WDR83: variants seen among roughly 807,000 people sequenced by gnomAD.
The protein encoded by WDR83 is WD repeat domain-containing protein 83.
In WDR83, 37 loss-of-function variants were observed where a neutral mutation model predicts 37.7. The ratio of observed to expected loss-of-function variants is 0.98; its 90% CI spans 0.76 to 1.29. The LOEUF is 1.29. WDR83 is among the 50% of genes most tolerant of loss of function. The pLI is 0.00. For synonymous variants in WDR83, 174 were observed against 181.1 expected (o/e 0.96, Z 0.31); for missense variants, 445 against 414.4 (o/e 1.07, Z -0.64).
At position 12,670,076 on chromosome 19, in the gene WDR83, A is replaced by G. The variant is rs774285413; in HGVS notation, c.203A>G (p.Tyr68Cys). ...TLLRTYSGHG[Y>C]EVLDAAGSFD... is the part of the protein sequence containing the mutation. ...CTGCGGACGTACAGCGGCCACGGCT[A>G]CGAGGTGCTGGATGCGGCCGGGTGA... The change falls in exon 4 of 11, where the codon TAC becomes TGC. Residue 68 changes from tyrosine (Y) to cysteine (C), a missense_variant. Tyr to Cys is a radical substitution (Grantham distance 194, BLOSUM62 -2). Coordinates refer to ENST00000418543, the MANE Select transcript of WDR83 (RefSeq NM_001099737.3). The G allele has an allele frequency of 1.3e-5, 21 of 1,611,906 alleles. No individual in the cohort carries two copies. Among genetic ancestry groups the G allele is most frequent in the Non-Finnish European group, 1.7e-5 (20 of 1,178,568 alleles).
At position 12,666,947 on chromosome 19, in the gene WDR83, T is replaced by G. The variant is rs1476519537; in HGVS notation, c.-202T>G. 1 of 563,854 alleles carries G rather than the reference T, an allele frequency of 1.8e-6. No individual in the cohort carries two copies. Among genetic ancestry groups the G allele is most frequent in the African/African-American group, 1.9e-5 (1 of 51,474 alleles). 34.9% of individuals were successfully genotyped at this position (563,854 alleles called of 1,614,324 possible). A position where few individuals can be genotyped will look rare whatever the true frequency, so the allele number is the denominator to read the frequency against. The stretch of plus-strand genomic sequence containing the variant: ...CGTCTCACGGGCTATGAAGACGGAA[T>G]GCCTCTTAATGCCGGAATTCCAAGA... On this transcript the variant is annotated 5_prime_UTR_variant, in exon 1 of 11. It removes an upstream start codon present in the reference 5' UTR. Coordinates refer to ENST00000418543, the MANE Select transcript of WDR83 (RefSeq NM_001099737.3).
In WDR83 at chr19:12,668,337, A is replaced by C. The variant is rs189337196; in HGVS notation, c.-156-171A>C. 4 of 1,603,992 alleles carry C rather than the reference A, an allele frequency of 2.5e-6. No individual in the cohort carries two copies. The African/African-American group carries it at 4.0e-5, about 16-fold the overall frequency. On this transcript the variant is annotated intron_variant, in intron 1 of 10. Transcript: ENST00000418543. ...GCCTAGTGGATAGACAGGGTCCAAA[A>C]TGTGACCCTTCTAGGCTGGTATCAC... is the stretch of plus-strand genomic sequence containing the variant.
chr19:12,675,805 GA>G lies in WDR83; in HGVS notation c.*134del. On this transcript the variant is annotated 3_prime_UTR_variant, in exon 11 of 11. Coordinates refer to ENST00000418543, the MANE Select transcript of WDR83 (RefSeq NM_001099737.3). Reference sequence around the variant, plus strand: ...TGGGTCTGCAAATTAATAAATAGAAGAGGGGGTAAGACCTTCCTGGGACCGC... The same window carrying G: ...TGGGTCTGCAAATTAATAAATAGAAGGGGGGTAAGACCTTCCTGGGACCGC... The G allele has an allele frequency of 6.4e-7, 1 of 1,570,932 alleles. No homozygotes were observed. The highest frequency in any genetic ancestry group is 8.6e-7 in the Non-Finnish European group (1 of 1,156,236).
intron 10 of WDR83, 145 bp from the exon 11 acceptor site, chr19:12,675,378 G>A (rs2024543862): frequency 2.6e-6 from 3 of 1,148,466 alleles, no homozygotes; most frequent in African/African-American, 1.6e-5. Context: ...GCAGTGTCTA[G>A]GAGGCAATTA....
chr19:12,668,889 A>G (rs116395713), intron 2 of WDR83, among the ~76,000 whole-genome samples: 1 of 152,174 alleles, frequency 6.6e-6, no homozygotes, highest in African/African-American at 2.4e-5. Context: ...CTCCTCTCCA[A>G]GTTGCTTCAA....
At chr19:12,671,774 T>C (rs2024426789) in intron 7 of WDR83, among the ~76,000 whole-genome samples, 1 of 152,188 alleles carries the variant, frequency 6.6e-6, no homozygotes, top group African/African-American at 2.4e-5. Flanking sequence ...CTCGGCTCAC[T>C]GCAACCTCTA....
At chr19:12,669,940 A>T (rs766269034) in intron 3 of WDR83, 37 bp from the exon 4 acceptor site, 9 of 1,602,676 alleles carry the variant, frequency 5.6e-6, no homozygotes, top group Non-Finnish European at 6.8e-6. Context: ...GCCTCCTGAG[A>T]TCGACGGCCC....
In WDR83 at chr19:12,675,806, A is replaced by C. The variant is rs750773297; in HGVS notation, c.*134A>C. 3 of 1,570,808 alleles carry C rather than the reference A, an allele frequency of 1.9e-6. No homozygotes were observed. Among genetic ancestry groups the C allele is most frequent in the East Asian group, 4.5e-5 (2 of 44,310 alleles). ...GGGTCTGCAAATTAATAAATAGAAG[A>C]GGGGGTAAGACCTTCCTGGGACCGC... On this transcript the variant is annotated 3_prime_UTR_variant, in exon 11 of 11. Transcript: ENST00000418543.
chr19:12,670,889 A>AT, intron 7 of WDR83, 68 bp downstream of exon 7: 13 of 1,555,020 alleles, frequency 8.4e-6, no homozygotes, highest in Non-Finnish European at 1.1e-5. Context: ...CCATGCTCAG[A>AT]TTAAAACCTA....
At chr19:12,670,403 A>C (rs1011264881) in intron 5 of WDR83, 118 bp downstream of exon 5, 1 of 1,496,388 alleles carries the variant, frequency 6.7e-7, no homozygotes, top group African/African-American at 1.4e-5. Flanking sequence ...ACGATCCCCC[A>C]CTCCGCATGC....
intron 10 of WDR83, among the ~76,000 whole-genome samples, chr19:12,673,623 G>A (rs953503457): frequency 6.6e-6 from 1 of 151,854 alleles, no homozygotes; most frequent in African/African-American, 2.4e-5. Context: ...TCACTATGTT[G>A]GTCAGGCTGG....
At position 12,673,321 on chromosome 19, in the gene WDR83, G is replaced by A. The variant is rs1298958562; in HGVS notation, c.798+5G>A. 1.2e-5 allele frequency: 19 copies of A among 1,611,840 alleles called. No individual in the cohort carries two copies. The highest frequency in any genetic ancestry group is 8.0e-5 in the African/African-American group (6 of 74,758). On this transcript the variant is annotated splice_donor_5th_base_variant and intron_variant, in intron 10 of 10. Transcript: ENST00000418543. ...TTCTTCTGGGACCTGGTGGAGGTGA[G>A]GTGCCCCCAGCCCTACTTCATACCT...
rs1292777886 is a variant in WDR83, at chr19:12,675,696, C to T, written c.*24C>T. 2 of 1,598,044 alleles carry T rather than the reference C, an allele frequency of 1.3e-6. No homozygotes were observed. The highest frequency in any genetic ancestry group is 1.7e-6 in the Non-Finnish European group (2 of 1,177,794). On this transcript the variant is annotated 3_prime_UTR_variant, in exon 11 of 11. Coordinates refer to ENST00000418543, the MANE Select transcript of WDR83 (RefSeq NM_001099737.3). ...GAAGCCAGGGGACCCACCAACAGGA[C>T]CAAGGACCGAGACACAGACATGGAA...
intron 10 of WDR83, among the ~76,000 whole-genome samples, chr19:12,674,139 G>T (rs1247090688): frequency 6.6e-6 from 1 of 152,238 alleles, no homozygotes; most frequent in Non-Finnish European, 1.5e-5. Context: ...CCGGGGTCAG[G>T]CTGGGCTGCA....
chr19:12,669,916 C>A (rs1460084441), intron 3 of WDR83, 23 bp downstream of exon 3: 1 of 1,601,152 alleles, frequency 6.2e-7, no homozygotes, highest in South Asian at 1.1e-5. Context: ...GTCTTCATTC[C>A]GGGTCCTCCT....
intron 7 of WDR83, 108 bp from the exon 8 acceptor site, chr19:12,672,739 C>T (rs2024458842): frequency 8.6e-7 from 1 of 1,159,292 alleles, no homozygotes; most frequent in Non-Finnish European, 1.3e-6. Flanking sequence ...TTCAGAATTC[C>T]ACTCCTGTGC....
intron 10 of WDR83, among the ~76,000 whole-genome samples, chr19:12,673,825 G>C (rs939820273): frequency 6.6e-6 from 1 of 151,896 alleles, no homozygotes; most frequent in Non-Finnish European, 1.5e-5. Flanking sequence ...TCAGCCTCCT[G>C]AGTAGCTGGG....
rs368248704 is a variant in WDR83 at position 12,669,994 on chromosome 19, C to G, written c.121C>G (p.Leu41Val). 12 of 1,611,330 alleles carry G rather than the reference C, an allele frequency of 7.4e-6. No homozygotes were observed. In the African/African-American group the frequency reaches 1.3e-4, roughly 18 times the overall value. Residue 41 changes from leucine to valine, a missense_variant, in exon 4 of 11, where the codon CTG (leucine) becomes GTG (valine). Physicochemically the swap from Leu to Val is conservative, Grantham distance 32. Transcript: ENST00000418543. ...TTCCCCAGTGGATGGCAATTACTGCCTGACGTGCGGCAGTGACAAGACGCT... is the reference window on the plus strand; with the variant it reads ...TTCCCCAGTGGATGGCAATTACTGCGTGACGTGCGGCAGTGACAAGACGCT... ...VRFNVDGNYC[L>V]TCGSDKTLKL...
At chr19:12,672,386 A>T (rs1210551685) in intron 7 of WDR83, 1 of 188,138 alleles carries the variant, frequency 5.3e-6, no homozygotes, top group African/African-American at 2.4e-5. Flanking sequence ...AGGTGGGCGG[A>T]TCACCTGAGG....
Sources: gnomAD v4.1 joint callset for allele counts (sites outside exome capture counted in the v4.1 genomes callset) on GRCh38, gnomAD v4.1.1 for gene constraint, MANE v1.5 for transcripts, NCBI Gene and HGNC (gene_info 2026-07-23, HGNC 2026-07-21) for gene names.